WDTC1: variants seen among roughly 807,000 people sequenced by gnomAD.
WDTC1 encodes the protein WD and tetratricopeptide repeats protein 1.
A neutral mutation model predicts 76.0 loss-of-function variants in WDTC1; 12 were observed. That is an observed-to-expected ratio of 0.16 (90% CI 0.10 to 0.26). The LOEUF (loss-of-function observed/expected upper bound fraction) is 0.26. Ranked by LOEUF, WDTC1 falls within the 10% of genes least tolerant of loss-of-function variation. WDTC1 has a pLI of 1.00. For synonymous variants in WDTC1, 326 were observed against 350.8 expected (o/e 0.93, Z 0.79); for missense variants, 511 against 908.8 (o/e 0.56, Z 5.63).
Position 27,301,483 on chromosome 1 carries a change from G to A in WDTC1, c.1468+22G>A, listed in dbSNP as rs115643786. On this transcript the variant is annotated intron_variant, in intron 13 of 15. Transcript: ENST00000319394. This position sits in a 1 kb window ranked among gnomAD's most constrained non-coding sequence, Gnocchi z 5.8. ...GGTGGTGAGTGGGCACTGAGGAGGG[G>A]GTGCTGTTACTCTTTCTCTTTGAGA... 0.016 allele frequency: 25,360 copies of A among 1,606,032 alleles called. 226 individuals carry two copies. The highest frequency in any genetic ancestry group is 0.026 in the Middle Eastern group (158 of 6,056).
rs767084565 is a variant in WDTC1, at chr1:27,287,672, A to G, written c.292-2A>G. 1 of 1,612,614 alleles carries G rather than the reference A, an allele frequency of 6.2e-7. No homozygotes were observed. On this transcript the variant is annotated splice_acceptor_variant, in intron 5 of 15. Transcript: ENST00000319394. LOFTEE classifies it high-confidence loss of function. ...ACCCCTTCCTCCATTTCTCCTATAT[A>G]GTTCCTGCCTCACGCTGGGGACCGC...
intron 3 of WDTC1, among the ~76,000 whole-genome samples, chr1:27,280,790 T>C (rs1259494161): frequency 1.3e-5 from 2 of 152,188 alleles, no homozygotes; most frequent in African/African-American, 4.8e-5. Flanking sequence ...TGAATCTCAC[T>C]GGGTTGTAGT....
In WDTC1 at chr1:27,305,109, C is replaced by T. The variant is rs2013922456; in HGVS notation, c.1752C>T (p.Asn584=). ...RVLQGDESIV[N]CLQPHPSYCF... ...TCCAAGGGGATGAGTCCATTGTCAACTGCCTGCAGCCACACCCCAGCTACT... is the reference window on the plus strand; with the variant it reads ...TCCAAGGGGATGAGTCCATTGTCAATTGCCTGCAGCCACACCCCAGCTACT... The change falls in exon 15 of 16, where the codon AAC becomes AAT. Residue 584 remains asparagine (N), a synonymous_variant. Coordinates refer to ENST00000319394, the MANE Select transcript of WDTC1 (RefSeq NM_001276252.2). This position sits in a 1 kb window ranked among gnomAD's most constrained non-coding sequence, Gnocchi z 4.6. 1 of 1,614,034 alleles carries T rather than the reference C, an allele frequency of 6.2e-7. No homozygotes were observed. Among genetic ancestry groups the T allele is most frequent in the Non-Finnish European group, 8.5e-7 (1 of 1,179,986 alleles).
Position 27,306,082 on chromosome 1 carries a change from A to C in WDTC1, c.1837-104A>C. On this transcript the variant is annotated intron_variant, in intron 15 of 15. Coordinates refer to ENST00000319394, the MANE Select transcript of WDTC1 (RefSeq NM_001276252.2). The surrounding 1 kb of genome is among the most constrained non-coding windows in gnomAD (Gnocchi z 5.0). ...CTGGCATGTATGTGTACCTCCCCCTATAGATAGTTTAGTCTGTGTATTTCC... is the reference window on the plus strand; with the variant it reads ...CTGGCATGTATGTGTACCTCCCCCTCTAGATAGTTTAGTCTGTGTATTTCC... The C allele has an allele frequency of 4.7e-6, 6 of 1,271,572 alleles. No homozygotes were observed. Among genetic ancestry groups the C allele is most frequent in the African/African-American group, 1.5e-5 (1 of 68,124 alleles). 78.8% of individuals were successfully genotyped at this position (1,271,572 alleles called of 1,614,324 possible).
chr1:27,281,152 G>C (rs766197154), intron 3 of WDTC1, among the ~76,000 whole-genome samples: 2 of 151,990 alleles, frequency 1.3e-5, no homozygotes, highest in Non-Finnish European at 2.9e-5. Flanking sequence ...GCATGCAGTA[G>C]GTGCTTGATG....
chr1:27,296,264 C>A, intron 9 of WDTC1, 62 bp from the exon 10 acceptor site: 1 of 1,595,840 alleles, frequency 6.3e-7, no homozygotes, highest in Non-Finnish European at 8.6e-7. Flanking sequence ...GACCTGCTTA[C>A]TGGTTCAACC....
chr1:27,247,835 C>T (rs2011900417), intron 1 of WDTC1, among the ~76,000 whole-genome samples: 1 of 151,890 alleles, frequency 6.6e-6, no homozygotes, highest in Non-Finnish European at 1.5e-5. Context: ...TCTCCTGCCT[C>T]AGCCTCCCAA....
rs868327493 is a variant in WDTC1, at chr1:27,274,421, G to A, written c.133-7818G>A. 6.6e-6 allele frequency among the ~76,000 whole-genome samples: 1 copy of A among 152,084 alleles called. No homozygotes were observed. Among genetic ancestry groups the A allele is most frequent in the Non-Finnish European group, 1.5e-5 (1 of 68,034 alleles). Reference sequence around the variant, plus strand: ...GAATCATTTGAGGCCAGGAGTTTGAGACCAGCCTGGGCAACACAGCAAGAC... The same window carrying A: ...GAATCATTTGAGGCCAGGAGTTTGAAACCAGCCTGGGCAACACAGCAAGAC... On this transcript the variant is annotated intron_variant, in intron 3 of 15. Coordinates refer to ENST00000319394, the MANE Select transcript of WDTC1 (RefSeq NM_001276252.2). The surrounding 1 kb of genome is among the most constrained non-coding windows in gnomAD (Gnocchi z 4.2).
rs189328794 is a variant in WDTC1, at chr1:27,290,341, C to T, written c.480-1874C>T. On this transcript the variant is annotated intron_variant, in intron 6 of 15. Transcript: ENST00000319394. ...TCAAGTGATCCTCCCACCTCGGCCT[C>T]CCACAGTGCTATGATTGCTGGTGTG... Among the ~76,000 whole-genome samples the T allele has an allele frequency of 4.6e-5, 7 of 152,298 alleles. No homozygotes were observed. In the East Asian group the frequency reaches 1.2e-3, roughly 25 times the overall value.
chr1:27,277,578 C>T (rs957033717), intron 3 of WDTC1, among the ~76,000 whole-genome samples: 2 of 151,900 alleles, frequency 1.3e-5, no homozygotes, highest in African/African-American at 4.8e-5. Context: ...ATTATAGGTA[C>T]AAGCCCCTGT....
chr1:27,272,602 A>G (rs2012903285), intron 3 of WDTC1, among the ~76,000 whole-genome samples: 1 of 152,192 alleles, frequency 6.6e-6, no homozygotes, highest in Non-Finnish European at 1.5e-5. Flanking sequence ...AAATTCAAAT[A>G]TGGAATAGGG....
At chr1:27,240,955 A>G (rs2011612368) in intron 1 of WDTC1, among the ~76,000 whole-genome samples, 1 of 138,532 alleles carries the variant, frequency 7.2e-6, no homozygotes, top group Admixed American at 8.1e-5. Flanking sequence ...AGCCTGGGTG[A>G]CAGTGAGACT....
chr1:27,283,935 A>G (rs2013261638), intron 5 of WDTC1, among the ~76,000 whole-genome samples: 1 of 152,244 alleles, frequency 6.6e-6, no homozygotes, highest in Admixed American at 6.5e-5. Context: ...TGATAAAAAT[A>G]AAGTCTGTGC....
At chr1:27,293,458 A>G (rs888899130) in intron 7 of WDTC1, among the ~76,000 whole-genome samples, 1 of 149,428 alleles carries the variant, frequency 6.7e-6, no homozygotes, top group Non-Finnish European at 1.5e-5. Context: ...AAAAAAGTAT[A>G]AATTACCCAT....
At chr1:27,264,177 A>G (rs1209574647) in intron 3 of WDTC1, among the ~76,000 whole-genome samples, 1 of 152,142 alleles carries the variant, frequency 6.6e-6, no homozygotes, top group African/African-American at 2.4e-5. Flanking sequence ...AATCCCAGCT[A>G]TTTGGGAGGC....
chr1:27,238,504 G>C (rs1282406705), intron 1 of WDTC1, among the ~76,000 whole-genome samples: 1 of 151,944 alleles, frequency 6.6e-6, no homozygotes, highest in East Asian at 1.9e-4. Flanking sequence ...CTTTGAGACA[G>C]AGTCTTACTT....
At chr1:27,294,897 A>G (rs2013642378) in intron 9 of WDTC1, among the ~76,000 whole-genome samples, 2 of 152,354 alleles carry the variant, frequency 1.3e-5, no homozygotes, top group African/African-American at 4.8e-5. Flanking sequence ...TGGAATGGAC[A>G]GACTTCTGTT....
intron 3 of WDTC1, among the ~76,000 whole-genome samples, chr1:27,268,188 C>G (rs890150363): frequency 6.6e-6 from 1 of 152,118 alleles, no homozygotes; most frequent in Non-Finnish European, 1.5e-5. Flanking sequence ...CCCCTGTAAT[C>G]TCAGTACTTT....
At chr1:27,264,038 C>A (rs576734100) in intron 3 of WDTC1, among the ~76,000 whole-genome samples, 26 of 151,550 alleles carry the variant, frequency 1.7e-4, no homozygotes, top group Non-Finnish European at 3.2e-4. Context: ...CCTGTATTCG[C>A]AGCACTTTGG....
Sources: allele counts gnomAD v4.1 joint callset (sites outside exome capture counted in the v4.1 genomes callset), GRCh38; gene constraint gnomAD v4.1.1; non-coding constraint Gnocchi (gnomAD v3.1); transcripts MANE v1.5; gene names NCBI Gene and HGNC (gene_info 2026-07-23, HGNC 2026-07-21).